The following PAX3 variants were observed in gnomAD, a reference collection of about 807,000 sequenced individuals.
The protein encoded by PAX3 is paired box protein Pax-3.
Under a neutral mutation model 51.6 loss-of-function variants are expected in PAX3, and 14 were observed. The observed-to-expected ratio is 0.27, with a 90% CI of 0.18 to 0.42. The LOEUF is 0.42. Ranked by LOEUF, PAX3 falls within the 10% of genes least tolerant of loss-of-function variation. PAX3 has a pLI of 1.00. For missense variants in PAX3, 540 were observed against 642.8 expected, an observed-to-expected ratio of 0.84 and a Z score of 1.73; for synonymous variants, 280 against 253.4, an observed-to-expected ratio of 1.11 and a Z score of -1.00.
rs77569906 is a variant in PAX3, at chr2:222,293,422, T to A, written c.586+745A>T. On this transcript the variant is annotated intron_variant, in intron 4 of 8. Transcript: ENST00000392070. ...GAAGGGGAAGCAAGCTGCACTTCTG[T>A]CTCCCATGGGGGAGATTTTTTTTCT... Among the ~76,000 whole-genome samples the A allele has an allele frequency of 3.8e-3, 568 of 148,502 alleles. 1 individual carries two copies. Among genetic ancestry groups the A allele is most frequent in the African/African-American group, 0.013 (526 of 41,216 alleles).
At chr2:222,267,009 A>G (rs10932950) in intron 4 of PAX3, among the ~76,000 whole-genome samples, 117,476 of 152,178 alleles carry the variant, frequency 0.77, 45,979 homozygotes, top group East Asian at 0.98. Context: ...CAAAGCATAA[A>G]CAGAACAAGT....
chr2:222,285,403 C>A (rs1694796891), intron 4 of PAX3, among the ~76,000 whole-genome samples: 1 of 152,142 alleles, frequency 6.6e-6, no homozygotes, highest in Admixed American at 6.5e-5. Flanking sequence ...GAACCAAGAG[C>A]CTGTGAACTG....
rs190736759 is a variant in PAX3 at position 222,230,994 on chromosome 2, C to A, written c.792+1084G>T. Among the ~76,000 whole-genome samples, 33 of 152,216 alleles carry A rather than the reference C, an allele frequency of 2.2e-4. No individual in the cohort carries two copies. The East Asian group carries it at 4.6e-3, about 21-fold the overall frequency. ...TTTTTACCTTTCTTAGATTGCAACT[C>A]CTTCAGAGAACTGTCTTAATTGATC... is the stretch of plus-strand genomic sequence containing the variant. On this transcript the variant is annotated intron_variant, in intron 5 of 8. Transcript: ENST00000392070.
chr2:222,232,526 T>C (rs1692636205), intron 4 of PAX3, among the ~76,000 whole-genome samples: 2 of 152,128 alleles, frequency 1.3e-5, no homozygotes, highest in African/African-American at 4.8e-5. Context: ...TCCTGCATCA[T>C]TAAATAATAT....
At chr2:222,294,436 C>A in intron 3 of PAX3, 135 bp from the exon 4 acceptor site, 3 of 872,800 alleles carry the variant, frequency 3.4e-6, no homozygotes, top group Non-Finnish European at 5.5e-6. Flanking sequence ...GCGGGTGTCT[C>A]CTCCTGCATC....
At chr2:222,241,381 T>C (rs1693009967) in intron 4 of PAX3, among the ~76,000 whole-genome samples, 1 of 152,068 alleles carries the variant, frequency 6.6e-6, no homozygotes, top group African/African-American at 2.4e-5. Context: ...AACAAAACAA[T>C]AGGAAGAAGA....
chr2:222,263,841 G>A (rs1441029791), intron 4 of PAX3: 1 of 152,162 alleles, frequency 6.6e-6, no homozygotes, highest in Non-Finnish European at 1.5e-5. Context: ...AATGACTTGG[G>A]TGAATCTCAA....
At chr2:222,215,631 C>G (rs1161914564) in intron 7 of PAX3, among the ~76,000 whole-genome samples, 2 of 151,952 alleles carry the variant, frequency 1.3e-5, no homozygotes, top group African/African-American at 4.8e-5. Flanking sequence ...AGAACATGGG[C>G]CAAATGTTAA....
chr2:222,260,565 GTTTTTTTTTTTTGTTTTTTTTTTTT>G (rs1693812014), intron 4 of PAX3, among the ~76,000 whole-genome samples: 1 of 55,850 alleles, frequency 1.8e-5, no homozygotes, highest in African/African-American at 6.1e-5. Context: ...TTTTTTTTTT[GTTTTTTTTTTTTGTTTTTTTTTTTT>G]GTTTTTTTTT....
At chr2:222,290,622 G>A (rs970719873) in intron 4 of PAX3, among the ~76,000 whole-genome samples, 1 of 152,230 alleles carries the variant, frequency 6.6e-6, no homozygotes, top group Admixed American at 6.5e-5. Flanking sequence ...CAACAAGTCA[G>A]TAATTGTAAC....
At chr2:222,231,391 C>T (rs1188585193) in intron 5 of PAX3, among the ~76,000 whole-genome samples, 1 of 152,214 alleles carries the variant, frequency 6.6e-6, no homozygotes, top group East Asian at 1.9e-4. Flanking sequence ...ATTCTATACT[C>T]TATAGAAACA....
intron 4 of PAX3, among the ~76,000 whole-genome samples, chr2:222,256,655 AAC>A (rs1456113644): frequency 6.6e-6 from 1 of 152,234 alleles, no homozygotes; most frequent in African/African-American, 2.4e-5. Context: ...TACTGTATAT[AAC>A]AGCATTTTTA....
chr2:222,276,456 A>G (rs1694423587), intron 4 of PAX3, among the ~76,000 whole-genome samples: 2 of 152,116 alleles, frequency 1.3e-5, no homozygotes, highest in South Asian at 4.1e-4. Flanking sequence ...GGTCCTCTCC[A>G]TCCTTGCCCT....
At position 222,232,096 on chromosome 2, in the gene PAX3, G is replaced by T; in HGVS notation, c.774C>A (p.Leu258=). 1 of 1,613,986 alleles carries T rather than the reference G, an allele frequency of 6.2e-7. No homozygotes were observed. Among genetic ancestry groups the T allele is most frequent in the East Asian group, 2.2e-5 (1 of 44,880 alleles). The change falls in exon 5 of 9, where the codon CTC becomes CTA. Residue 258 remains leucine (L), a synonymous_variant. Coordinates refer to ENST00000392070, the MANE Select transcript of PAX3 (RefSeq NM_181458.4). The part of the protein sequence containing the change: ...TREELAQRAK[L]TEARVQVWFS... ...ACAGTACCTGTACTCGGGCCTCGGT[G>T]AGCTTCGCCCTCTGGGCCAGTTCCT...
chr2:222,245,164 G>GAAAAA (rs1693177645), intron 4 of PAX3, among the ~76,000 whole-genome samples: 1 of 152,058 alleles, frequency 6.6e-6, no homozygotes, highest in Non-Finnish European at 1.5e-5. Flanking sequence ...AAAAAGAAAA[G>GAAAAA]AAATAGAATA....
At chr2:222,225,223 CG>C (rs1422125768) in intron 5 of PAX3, among the ~76,000 whole-genome samples, 2 of 152,094 alleles carry the variant, frequency 1.3e-5, no homozygotes, top group Non-Finnish European at 2.9e-5. Context: ...AACTGCAGCC[CG>C]GTTCATTTTT....
chr2:222,293,959 G>A, intron 4 of PAX3: 1 of 1,524,434 alleles, frequency 6.6e-7, no homozygotes, highest in Non-Finnish European at 8.8e-7. Flanking sequence ...TTACAAAACA[G>A]AAAAACTAAG....
chr2:222,236,363 G>T (rs1370532112), intron 4 of PAX3, among the ~76,000 whole-genome samples: 1 of 152,012 alleles, frequency 6.6e-6, no homozygotes. Context: ...CAAATAGCTG[G>T]GACTACAGAC....
At chr2:222,246,076 T>G (rs768796748) in intron 4 of PAX3, among the ~76,000 whole-genome samples, 4 of 152,172 alleles carry the variant, frequency 2.6e-5, no homozygotes, top group Non-Finnish European at 4.4e-5. Context: ...GTCAATGGGT[T>G]CACCATGACC....
Sources: gnomAD v4.1 joint callset for allele counts (sites outside exome capture counted in the v4.1 genomes callset) on GRCh38, gnomAD v4.1.1 for gene constraint, MANE v1.5 for transcripts, NCBI Gene and HGNC (gene_info 2026-07-23, HGNC 2026-07-21) for gene names.